Variants in PCDH9 observed in about 807,000 individuals in gnomAD.
PCDH9 encodes protocadherin-9.
Under a neutral mutation model 70.6 loss-of-function variants are expected in PCDH9, and 24 were observed. That is an observed-to-expected ratio of 0.34 (90% CI 0.25 to 0.48). The LOEUF (loss-of-function observed/expected upper bound fraction) is 0.48. Among genes scored for constraint, PCDH9 ranks in the 20% least tolerant of loss-of-function variants. The pLI, the probability that PCDH9 is intolerant of heterozygous loss-of-function variation, is 0.99. For missense variants in PCDH9, 1,281 were observed against 1,503.6 expected, an observed-to-expected ratio of 0.85 and a Z score of 2.45; for synonymous variants, 562 against 558.5, an observed-to-expected ratio of 1.01 and a Z score of -0.09.
In PCDH9 at chr13:66,730,879, T is replaced by G. The variant is rs1208997989; in HGVS notation, c.3139-99468A>C. 7.0e-4 allele frequency among the ~76,000 whole-genome samples: 10 copies of G among 14,258 alleles called. 1 individual carries two copies. The highest frequency in any genetic ancestry group is 2.6e-3 in the Admixed American group (3 of 1,174). 9.4% of individuals were successfully genotyped at this position (14,258 alleles called of 152,430 possible). The stretch of plus-strand genomic sequence containing the variant: ...TTTTGTTTTTTTGTGTGTGTGTGTT[T>G]TTTTTTTGTTTGTTTCTTTTTTTTT... On this transcript the variant is annotated intron_variant, in intron 3 of 4. Coordinates refer to ENST00000377865, the MANE Select transcript of PCDH9 (RefSeq NM_203487.3).
intron 2 of PCDH9, among the ~76,000 whole-genome samples, chr13:67,062,637 G>T (rs4142274): frequency 0.22 from 33,589 of 152,074 alleles, 4,170 homozygotes; most frequent in East Asian, 0.56. Flanking sequence ...TGGTCTTAAA[G>T]AACTATTCCT....
At chr13:66,534,175 T>C (rs1960588936) in intron 4 of PCDH9, among the ~76,000 whole-genome samples, 1 of 152,152 alleles carries the variant, frequency 6.6e-6, no homozygotes, top group Admixed American at 6.6e-5. Context: ...AGATATTCTC[T>C]AGGACTAAAA....
At chr13:66,744,022 T>C (rs1365081346) in intron 3 of PCDH9, among the ~76,000 whole-genome samples, 2 of 152,060 alleles carry the variant, frequency 1.3e-5, no homozygotes, top group Non-Finnish European at 2.9e-5. Flanking sequence ...CATACGTGCA[T>C]AAAAAGATGG....
chr13:66,670,757 T>C (rs1485153925), intron 3 of PCDH9, among the ~76,000 whole-genome samples: 1 of 152,054 alleles, frequency 6.6e-6, no homozygotes, highest in Non-Finnish European at 1.5e-5. Flanking sequence ...ATTTTAATGA[T>C]GTCCATATGT....
chr13:66,885,981 C>T (rs1594206925), intron 3 of PCDH9: 2 of 152,028 alleles, frequency 1.3e-5, no homozygotes, highest in African/African-American at 2.4e-5. Flanking sequence ...TAATAAAATG[C>T]CATTTTTTTT....
intron 3 of PCDH9, among the ~76,000 whole-genome samples, chr13:66,866,346 G>C (rs1052367979): frequency 4.6e-5 from 7 of 152,106 alleles, no homozygotes; most frequent in African/African-American, 1.7e-4. Context: ...GCTGGGCATG[G>C]TGGCGGGCGC....
chr13:66,777,351 A>C (rs2079913517), intron 3 of PCDH9, among the ~76,000 whole-genome samples: 1 of 150,258 alleles, frequency 6.7e-6, no homozygotes, highest in Non-Finnish European at 1.5e-5. Context: ...GCAACCTACA[A>C]AATGGGAGAA....
chr13:67,138,363 A>G (rs1388250118), intron 2 of PCDH9, among the ~76,000 whole-genome samples: 1 of 152,200 alleles, frequency 6.6e-6, no homozygotes, highest in Admixed American at 6.6e-5. Flanking sequence ...TGCAGGAAAT[A>G]TTAAAAATAT....
chr13:67,001,980 TATTG>T (rs2084254750), intron 2 of PCDH9: 1 of 152,170 alleles, frequency 6.6e-6, no homozygotes, highest in Non-Finnish European at 1.5e-5. Flanking sequence ...CTTAAATAAA[TATTG>T]ATTATGTGAA....
intron 4 of PCDH9, among the ~76,000 whole-genome samples, chr13:66,510,711 A>G (rs1252772476): frequency 6.6e-6 from 1 of 152,180 alleles, no homozygotes; most frequent in East Asian, 1.9e-4. Context: ...ATGGCTGCAT[A>G]GTATTCCATG....
intron 3 of PCDH9, among the ~76,000 whole-genome samples, chr13:66,749,642 C>G (rs2079427340): frequency 1.3e-5 from 2 of 152,140 alleles, no homozygotes; most frequent in African/African-American, 2.4e-5. Flanking sequence ...TAGAAAAAGT[C>G]TCTAACATAT....
chr13:66,550,328 A>G (rs375153952), intron 4 of PCDH9, among the ~76,000 whole-genome samples: 119 of 152,198 alleles, frequency 7.8e-4, no homozygotes, highest in Middle Eastern at 6.8e-3. Flanking sequence ...TTATAGTATA[A>G]GAATATTAAT....
chr13:67,135,829 G>A (rs2087220037), intron 2 of PCDH9, among the ~76,000 whole-genome samples: 1 of 152,040 alleles, frequency 6.6e-6, no homozygotes, highest in East Asian at 1.9e-4. Context: ...CTCATATAAT[G>A]CCTTCTTAAA....
At chr13:66,373,282 C>T (rs1478216324) in intron 4 of PCDH9, among the ~76,000 whole-genome samples, 1 of 151,906 alleles carries the variant, frequency 6.6e-6, no homozygotes, top group Non-Finnish European at 1.5e-5. Flanking sequence ...AGTAATCCAA[C>T]TTACAAACTT....
chr13:66,741,701 GACAA>G (rs2079266146), intron 3 of PCDH9, among the ~76,000 whole-genome samples: 1 of 33,956 alleles, frequency 2.9e-5, no homozygotes, highest in African/African-American at 8.0e-5. Context: ...ACCAACAACA[GACAA>G]ACAGAGAGCC....
At chr13:66,879,678 A>G (rs374693452) in intron 3 of PCDH9, among the ~76,000 whole-genome samples, 2 of 152,214 alleles carry the variant, frequency 1.3e-5, no homozygotes, top group East Asian at 1.9e-4. Flanking sequence ...CAACTAAAAG[A>G]TATCTTTGAC....
At chr13:66,624,753 A>G (rs2077476290) in intron 4 of PCDH9, among the ~76,000 whole-genome samples, 1 of 152,236 alleles carries the variant, frequency 6.6e-6, no homozygotes, top group Non-Finnish European at 1.5e-5. Context: ...ATACTTAAAT[A>G]TATGAAATAT....
At chr13:67,042,516 C>A (rs2085141091) in intron 2 of PCDH9, among the ~76,000 whole-genome samples, 1 of 152,004 alleles carries the variant, frequency 6.6e-6, no homozygotes, top group Non-Finnish European at 1.5e-5. Context: ...AAAAACAAAA[C>A]AAACACAAAA....
At chr13:66,839,465 G>C (rs970998267) in intron 3 of PCDH9, among the ~76,000 whole-genome samples, 3 of 152,140 alleles carry the variant, frequency 2.0e-5, no homozygotes, top group Non-Finnish European at 2.9e-5. Context: ...ACTTCACGGA[G>C]TGTGGCAGCC....
Sources: allele counts gnomAD v4.1 joint callset (sites outside exome capture counted in the v4.1 genomes callset), GRCh38; gene constraint gnomAD v4.1.1; transcripts MANE v1.5; gene names NCBI Gene and HGNC (gene_info 2026-07-23, HGNC 2026-07-21).